The following TMTC1 variants were observed in gnomAD, a reference collection of about 807,000 sequenced individuals.
The protein encoded by TMTC1 is transmembrane O-mannosyltransferase targeting cadherins 1, also known as protein O-mannosyl-transferase TMTC1.
A neutral mutation model predicts 104.8 loss-of-function variants in TMTC1; 73 were observed. The ratio of observed to expected loss-of-function variants is 0.70; its 90% confidence interval spans 0.58 to 0.85. TMTC1 has a LOEUF of 0.85. Among genes scored for constraint, TMTC1 ranks in the 40% least tolerant of loss-of-function variants. The pLI, the probability that TMTC1 is intolerant of heterozygous loss-of-function variation, is 0.00. For missense variants in TMTC1, 1,035 were observed against 1,096.1 expected (o/e 0.94, Z 0.79); for synonymous variants, 434 against 428.7 (o/e 1.01, Z -0.15).
chr12:29,593,599 C>G (rs957157444), intron 7 of TMTC1, among the ~76,000 whole-genome samples: 1 of 152,172 alleles, frequency 6.6e-6, no homozygotes, highest in South Asian at 2.1e-4. Context: ...ATTGTAGTCA[C>G]GTGTTTATGT....
chr12:29,608,563 C>T (rs1946763293), intron 6 of TMTC1, among the ~76,000 whole-genome samples: 1 of 152,106 alleles, frequency 6.6e-6, no homozygotes, highest in Admixed American at 6.5e-5. Context: ...TGGTGATCAA[C>T]TAGACAAAAG....
chr12:29,550,981 G>T, intron 10 of TMTC1, among the ~76,000 whole-genome samples: 1 of 137,960 alleles, frequency 7.2e-6, no homozygotes, highest in African/African-American at 2.8e-5. Context: ...AGAGCAGGGA[G>T]ACAGAGCTAG....
intron 5 of TMTC1, among the ~76,000 whole-genome samples, chr12:29,637,970 G>A (rs901911859): frequency 3.9e-5 from 6 of 152,258 alleles, no homozygotes; most frequent in African/African-American, 1.4e-4. Flanking sequence ...CCTCCTCTTA[G>A]GAAGGCCATT....
At chr12:29,718,932 C>CAA (rs35351612) in intron 5 of TMTC1, among the ~76,000 whole-genome samples, 31,692 of 87,828 alleles carry the variant, frequency 0.36, 5,026 homozygotes, top group South Asian at 0.47. Context: ...GACTCCATCT[C>CAA]AAAAAAAAAA....
chr12:29,637,793 C>T (rs1033774035), intron 5 of TMTC1, among the ~76,000 whole-genome samples: 14 of 152,174 alleles, frequency 9.2e-5, no homozygotes, highest in African/African-American at 3.4e-4. Flanking sequence ...AGAAAGATGT[C>T]TATGATAGGT....
chr12:29,643,898 A>AATATAAAATTATATATAAATAT (rs1196679945), intron 5 of TMTC1, among the ~76,000 whole-genome samples: 1 of 99,192 alleles, frequency 1.0e-5, no homozygotes, highest in Non-Finnish European at 1.8e-5. Flanking sequence ...TATATAAATA[A>AATATAAAATTATATATAAATAT]ATATAAAATT....
At chr12:29,508,737 G>A (rs369368002) in intron 17 of TMTC1, among the ~76,000 whole-genome samples, 117 of 151,982 alleles carry the variant, frequency 7.7e-4, no homozygotes, top group Middle Eastern at 3.4e-3. Flanking sequence ...CAACATGCCC[G>A]GCTAATTTTT....
intron 11 of TMTC1, among the ~76,000 whole-genome samples, chr12:29,527,820 T>G (rs895436449): frequency 2.0e-5 from 3 of 152,232 alleles, no homozygotes; most frequent in African/African-American, 7.2e-5. Context: ...TTCTCTTTTA[T>G]TTTTGCATCC....
chr12:29,548,086 T>G (rs1944987490), intron 10 of TMTC1, among the ~76,000 whole-genome samples: 1 of 152,096 alleles, frequency 6.6e-6, no homozygotes, highest in Non-Finnish European at 1.5e-5. Context: ...AGACAACAAC[T>G]GGAGGGAGCG....
chr12:29,639,185 A>G (rs1170896547), intron 5 of TMTC1, among the ~76,000 whole-genome samples: 1 of 152,224 alleles, frequency 6.6e-6, no homozygotes, highest in Non-Finnish European at 1.5e-5. Context: ...ATTGCTGGTG[A>G]GAACACACAC....
At chr12:29,687,142 G>A (rs899056087) in intron 5 of TMTC1, among the ~76,000 whole-genome samples, 3 of 152,184 alleles carry the variant, frequency 2.0e-5, no homozygotes, top group African/African-American at 7.2e-5. Flanking sequence ...CATATTTATA[G>A]TTTCATAATA....
rs550693131 is a variant in TMTC1 at position 29,549,068 on chromosome 12, A to C, written c.1676+7789T>G. Reference sequence around the variant, plus strand: ...TATATAAATAAATATATATTTACCCAAGAAAAATGAACATACAAAGATTGG... The same window carrying C: ...TATATAAATAAATATATATTTACCCCAGAAAAATGAACATACAAAGATTGG... On this transcript the variant is annotated intron_variant, in intron 10 of 17. Coordinates refer to ENST00000539277, the MANE Select transcript of TMTC1 (RefSeq NM_001193451.2). Among the ~76,000 whole-genome samples, 427 of 147,336 alleles carry C rather than the reference A, an allele frequency of 2.9e-3. 3 individuals carry two copies. The highest frequency in any genetic ancestry group is 1.0e-2 in the African/African-American group (405 of 40,508).
chr12:29,545,676 C>CACACA (rs1555167547), intron 10 of TMTC1, among the ~76,000 whole-genome samples: 12 of 137,842 alleles, frequency 8.7e-5, no homozygotes, highest in South Asian at 4.8e-4. Flanking sequence ...CACACACACA[C>CACACA]GGATAGAAAC....
chr12:29,755,711 C>CT lies in TMTC1; in HGVS notation c.728dup (p.Ser244ValfsTer94). 1 of 1,612,576 alleles carries CT rather than the reference C, an allele frequency of 6.2e-7. No individual in the cohort carries two copies. Among genetic ancestry groups the CT allele is most frequent in the South Asian group, 1.1e-5 (1 of 90,796 alleles). ...ATCAAAACTGTAAAATGACTTACGACTTGTCTTGCTTGTTGGAAAGGGAAA... is the reference window on the plus strand; with the variant it reads ...ATCAAAACTGTAAAATGACTTACGACTTTGTCTTGCTTGTTGGAAAGGGAAA... On this transcript the variant is annotated frameshift_variant, in exon 4 of 18. Coordinates refer to ENST00000539277, the MANE Select transcript of TMTC1 (RefSeq NM_001193451.2). LOFTEE classifies it high-confidence loss of function.
At chr12:29,712,259 C>T (rs952088863) in intron 5 of TMTC1, among the ~76,000 whole-genome samples, 3 of 152,118 alleles carry the variant, frequency 2.0e-5, no homozygotes, top group Admixed American at 6.5e-5. Context: ...TTATGTAAAA[C>T]ACTCATTAAA....
chr12:29,768,147 G>T, intron 1 of TMTC1, 72 bp from the exon 2 acceptor site: 1 of 1,043,400 alleles, frequency 9.6e-7, no homozygotes, highest in South Asian at 1.8e-5. Flanking sequence ...GAACACAGAC[G>T]GAATCCATCA....
intron 10 of TMTC1, among the ~76,000 whole-genome samples, chr12:29,548,033 G>A (rs191200106): frequency 3.3e-5 from 5 of 152,294 alleles, no homozygotes; most frequent in Admixed American, 6.5e-5. Context: ...AGCACCAGGC[G>A]CTAACCATTC....
At position 29,725,514 on chromosome 12, in the gene TMTC1, T is replaced by A. The variant is rs577854440; in HGVS notation, c.938+26152A>T. 2.6e-5 allele frequency among the ~76,000 whole-genome samples: 4 copies of A among 152,240 alleles called. No homozygotes were observed. The South Asian group carries it at 8.3e-4, about 32-fold the overall frequency. ...ACACCCAGTCCTGCCAAGTACTTAA[T>A]GTGGAAATTTCTCATTCTGAATTAG... is the stretch of plus-strand genomic sequence containing the variant. On this transcript the variant is annotated intron_variant, in intron 5 of 17. Transcript: ENST00000539277.
chr12:29,710,432 C>A (rs926835760), intron 5 of TMTC1, among the ~76,000 whole-genome samples: 2 of 151,406 alleles, frequency 1.3e-5, no homozygotes, highest in Admixed American at 6.6e-5. Flanking sequence ...AAGGCGGATG[C>A]CTAGTATTTG....
Sources: gnomAD v4.1 joint callset for allele counts (sites outside exome capture counted in the v4.1 genomes callset) on GRCh38, gnomAD v4.1.1 for gene constraint, MANE v1.5 for transcripts, NCBI Gene and HGNC (gene_info 2026-07-23, HGNC 2026-07-21) for gene names.